Variants in CFAP44 observed in about 807,000 individuals in gnomAD.
CFAP44 encodes cilia- and flagella-associated protein 44.
In CFAP44, 134 loss-of-function variants were observed where a neutral mutation model predicts 216.2. The ratio of observed to expected loss-of-function variants is 0.62; its 90% CI spans 0.54 to 0.72. The LOEUF is 0.72. Among genes scored for constraint, CFAP44 ranks in the 30% least tolerant of loss-of-function variants. The probability of loss-of-function intolerance (pLI) is 0.00; values close to 1 mark genes in which losing one functional copy is unlikely to be tolerated. For missense variants in CFAP44, 2,035 were observed against 2,182.1 expected, an observed-to-expected ratio of 0.93 and a Z score of 1.34; for synonymous variants, 700 against 727.6, an observed-to-expected ratio of 0.96 and a Z score of 0.61.
chr3:113,309,713 T>A (rs758548327), intron 28 of CFAP44, among the ~76,000 whole-genome samples: 1 of 152,026 alleles, frequency 6.6e-6, no homozygotes, highest in Non-Finnish European at 1.5e-5. Flanking sequence ...AAAACAAACA[T>A]AAGAAGACTC....
chr3:113,366,708 G>T (rs1932943746), intron 18 of CFAP44, among the ~76,000 whole-genome samples: 1 of 152,196 alleles, frequency 6.6e-6, no homozygotes, highest in African/African-American at 2.4e-5. Context: ...ATTGGGACTG[G>T]TTGGACAGTG....
chr3:113,428,315 G>C (rs900076437), intron 2 of CFAP44, among the ~76,000 whole-genome samples: 6 of 152,216 alleles, frequency 3.9e-5, no homozygotes, highest in African/African-American at 1.2e-4. Flanking sequence ...GGTGATCACA[G>C]ATTAATGAAT....
chr3:113,373,603 C>T (rs1933243679), intron 17 of CFAP44, 47 bp from the exon 18 acceptor site: 1 of 1,388,974 alleles, frequency 7.2e-7, no homozygotes, highest in Non-Finnish European at 9.5e-7. Flanking sequence ...GAATATAACA[C>T]ACATAAATGC....
chr3:113,363,129 T>A lies in CFAP44; in HGVS notation c.2934+16A>T, dbSNP rs1363535047. On this transcript the variant is annotated intron_variant, in intron 21 of 34. Transcript: ENST00000393845. ...AGCATATGTTAAAATAAAAATCAAG[T>A]TTATATTAGGCTTACTGTTCGTTTA... The A allele has an allele frequency of 6.6e-7, 1 of 1,524,460 alleles. No individual in the cohort carries two copies. The allele number at this position is 1,524,460 out of a possible 1,614,324, so 94.4% of individuals were successfully genotyped here. A position where few individuals can be genotyped will look rare whatever the true frequency, so the allele number is the denominator to read the frequency against.
chr3:113,320,759 A>C (rs1950139263), intron 28 of CFAP44, among the ~76,000 whole-genome samples: 1 of 151,994 alleles, frequency 6.6e-6, no homozygotes, highest in South Asian at 2.1e-4. Flanking sequence ...AGCATGGGAG[A>C]AAGATGTAGG....
At chr3:113,356,248 T>C (rs1236490692) in intron 22 of CFAP44, among the ~76,000 whole-genome samples, 2 of 150,998 alleles carry the variant, frequency 1.3e-5, no homozygotes, top group East Asian at 1.9e-4. Context: ...TGTAAGATAA[T>C]ATTTATTATT....
At chr3:113,343,500 A>G (rs1320518078) in intron 23 of CFAP44, among the ~76,000 whole-genome samples, 1 of 152,220 alleles carries the variant, frequency 6.6e-6, no homozygotes, top group Non-Finnish European at 1.5e-5. Flanking sequence ...TCAAATATAT[A>G]GCGGTATAGA....
At chr3:113,371,675 G>T (rs886155239) in intron 18 of CFAP44, among the ~76,000 whole-genome samples, 25 of 152,206 alleles carry the variant, frequency 1.6e-4, no homozygotes, top group African/African-American at 5.8e-4. Flanking sequence ...CATGGGCAAA[G>T]ACTTCACGTC....
At chr3:113,414,257 G>T (rs980529875) in intron 6 of CFAP44, among the ~76,000 whole-genome samples, 7 of 152,052 alleles carry the variant, frequency 4.6e-5, no homozygotes, top group African/African-American at 1.7e-4. Flanking sequence ...AGGAGATTTT[G>T]GGCTGAGATG....
intron 2 of CFAP44, among the ~76,000 whole-genome samples, chr3:113,432,372 T>C (rs1935128160): frequency 6.6e-6 from 1 of 152,206 alleles, no homozygotes; most frequent in African/African-American, 2.4e-5. Flanking sequence ...TTTAGAAAAT[T>C]ATTTTTAGTT....
At chr3:113,312,729 T>C (rs925439052) in intron 28 of CFAP44, among the ~76,000 whole-genome samples, 10 of 152,210 alleles carry the variant, frequency 6.6e-5, no homozygotes, top group African/African-American at 1.9e-4. Context: ...ACTCCAGCCA[T>C]GGCTGAAAGG....
chr3:113,315,164 C>T (rs1950075237), intron 28 of CFAP44, among the ~76,000 whole-genome samples: 1 of 150,864 alleles, frequency 6.6e-6, no homozygotes, highest in African/African-American at 2.5e-5. Flanking sequence ...AAACATTATC[C>T]AATCATACGC....
At chr3:113,385,566 G>A (rs1933625530) in intron 15 of CFAP44, among the ~76,000 whole-genome samples, 2 of 152,130 alleles carry the variant, frequency 1.3e-5, no homozygotes, top group African/African-American at 2.4e-5. Context: ...TTCTACAGCT[G>A]TCGGTGGACT....
chr3:113,436,713 T>A (rs1935248650), intron 1 of CFAP44, among the ~76,000 whole-genome samples: 1 of 152,226 alleles, frequency 6.6e-6, no homozygotes. Context: ...GCAAGGCAGT[T>A]CCTGGGTTTT....
At position 113,403,738 on chromosome 3, in the gene CFAP44, A is replaced by G; in HGVS notation, c.1170+114T>C. 12 of 1,152,056 alleles carry G rather than the reference A, an allele frequency of 1.0e-5. No homozygotes were observed. The South Asian group carries it at 1.5e-4, about 15-fold the overall frequency. 71.4% of individuals were successfully genotyped at this position (1,152,056 alleles called of 1,614,324 possible). On this transcript the variant is annotated intron_variant, in intron 9 of 34. Transcript: ENST00000393845. ...TTATTTAAAGTGAGTTGGCCTTGGG[A>G]GTAAATGACTACTGATCTCCTTCAC...
chr3:113,418,287 A>C (rs926646816), intron 5 of CFAP44, among the ~76,000 whole-genome samples: 13 of 151,922 alleles, frequency 8.6e-5, no homozygotes, highest in Non-Finnish European at 1.6e-4. Flanking sequence ...GGGTTTTACC[A>C]TGTTGGCCAG....
chr3:113,376,273 T>C (rs1933341875), intron 17 of CFAP44, among the ~76,000 whole-genome samples: 1 of 152,220 alleles, frequency 6.6e-6, no homozygotes, highest in Non-Finnish European at 1.5e-5. Context: ...GGGACATGTA[T>C]GGTTTAAAAG....
intron 22 of CFAP44, among the ~76,000 whole-genome samples, chr3:113,355,663 C>G (rs1950486519): frequency 6.6e-6 from 1 of 151,844 alleles, no homozygotes; most frequent in Non-Finnish European, 1.5e-5. Flanking sequence ...AGGAGAAATA[C>G]CTAATGTAAA....
intron 28 of CFAP44, among the ~76,000 whole-genome samples, chr3:113,319,440 G>C (rs1362658525): frequency 6.6e-6 from 1 of 152,148 alleles, no homozygotes; most frequent in Non-Finnish European, 1.5e-5. Context: ...CATAAAACAA[G>C]TTCTTCCTGG....
Sources: gnomAD v4.1 joint callset for allele counts (sites outside exome capture counted in the v4.1 genomes callset) on GRCh38, gnomAD v4.1.1 for gene constraint, MANE v1.5 for transcripts, NCBI Gene and HGNC (gene_info 2026-07-23, HGNC 2026-07-21) for gene names.